Variants in TTC7A observed in about 807,000 individuals in gnomAD.
TTC7A encodes the protein tetratricopeptide repeat protein 7A.
A neutral mutation model predicts 103.7 loss-of-function variants in TTC7A; 110 were observed. The ratio of observed to expected loss-of-function variants is 1.06; its 90% CI spans 0.91 to 1.24. The LOEUF is 1.24. Among genes scored for constraint, TTC7A ranks in the 50% most tolerant of loss-of-function variants. TTC7A has a pLI of 0.00. For missense variants in TTC7A, 1,340 were observed against 1,116.3 expected, an observed-to-expected ratio of 1.20 and a Z score of -2.86; for synonymous variants, 521 against 467.9, an observed-to-expected ratio of 1.11 and a Z score of -1.47.
chr2:47,052,413 C>T (rs1682939528), intron 18 of TTC7A, among the ~76,000 whole-genome samples: 1 of 152,206 alleles, frequency 6.6e-6, no homozygotes, highest in South Asian at 2.1e-4. Flanking sequence ...AAGCAGCCCA[C>T]AGCTGGCTAG....
intron 16 of TTC7A, chr2:47,047,360 C>A (rs201666873): frequency 7.3e-6 from 11 of 1,497,624 alleles, no homozygotes; most frequent in Non-Finnish European, 1.8e-6. Context: ...AGTAAAACAC[C>A]TTGGGCAAAG....
At chr2:46,954,467 A>G (rs543254881) in intron 2 of TTC7A, among the ~76,000 whole-genome samples, 14 of 152,142 alleles carry the variant, frequency 9.2e-5, no homozygotes, top group Non-Finnish European at 1.8e-4. Context: ...AGCAAAAAAT[A>G]GCAGCAAAAT....
At chr2:47,066,272 G>A (rs1684172461) in intron 19 of TTC7A, 1 of 152,156 alleles carries the variant, frequency 6.6e-6, no homozygotes, top group African/African-American at 2.4e-5. Flanking sequence ...TGGGTTTGCA[G>A]GATCAAGAGC....
rs1683732073 is a variant in TTC7A at position 47,060,949 on chromosome 2, G to T, written c.2333G>T (p.Gly778Val). Residue 778 changes from glycine (G) to valine (V), a missense_variant, in exon 19 of 20, where the codon GGC becomes GTC. By Grantham distance (109) the Gly-to-Val change is moderately radical. Coordinates refer to ENST00000319190, the MANE Select transcript of TTC7A (RefSeq NM_020458.4). ...GAGGCGCTCACGGTGAACCCAGATG[G>T]CGTGCGCATCATGCATAGCCTGGTG... Reference protein sequence around the residue: ...YKEALTVNPDGVRIMHSLGLM... With the variant: ...YKEALTVNPDVVRIMHSLGLM... 6.2e-7 allele frequency: 1 copy of T among 1,613,396 alleles called. No homozygotes were observed. The highest frequency in any genetic ancestry group is 1.3e-5 in the African/African-American group (1 of 75,022).
chr2:46,999,648 A>G, intron 8 of TTC7A: 10 of 985,476 alleles, frequency 1.0e-5, no homozygotes, highest in Non-Finnish European at 1.2e-5. Flanking sequence ...CAGCCTGCTG[A>G]ACCTCAAACG....
rs766504849 is a variant in TTC7A, at chr2:46,918,259, G to A, written c.82+982G>A. ...TCTGTTGTTCAAGCTAAAATTCTAC[G>A]AGCTGTTTTTGATTTATCTCATCCC... On this transcript the variant is annotated intron_variant, in intron 2 of 20. Transcript: ENST00000409245. Among the ~76,000 whole-genome samples, 26 of 152,072 alleles carry A rather than the reference G, an allele frequency of 1.7e-4. 1 individual carries two copies. The highest frequency in any genetic ancestry group is 3.3e-4 in the Admixed American group (5 of 15,262).
At chr2:46,917,820 C>T (rs531562294) in intron 2 of TTC7A, among the ~76,000 whole-genome samples, 1 of 152,344 alleles carries the variant, frequency 6.6e-6, no homozygotes, top group African/African-American at 2.4e-5. Flanking sequence ...GCCAACCACT[C>T]TCACTTAGAA....
intron 19 of TTC7A, among the ~76,000 whole-genome samples, chr2:47,069,201 C>G (rs973868854): frequency 3.9e-5 from 6 of 152,166 alleles, no homozygotes; most frequent in African/African-American, 1.4e-4. Flanking sequence ...GGCCCAGCCA[C>G]TGGCCAGAGG....
At chr2:46,948,603 A>C (rs1671138324) in intron 1 of TTC7A, among the ~76,000 whole-genome samples, 1 of 152,148 alleles carries the variant, frequency 6.6e-6, no homozygotes, top group African/African-American at 2.4e-5. Flanking sequence ...TTACGGTGAG[A>C]GATTCTTCTT....
At chr2:46,962,850 T>C (rs1194056398) in intron 3 of TTC7A, among the ~76,000 whole-genome samples, 1 of 152,196 alleles carries the variant, frequency 6.6e-6, no homozygotes, top group Non-Finnish European at 1.5e-5. Context: ...ACCTGATAGG[T>C]TGAACAGTGC....
At chr2:47,046,498 G>T in intron 16 of TTC7A, 67 bp downstream of exon 16, 3 of 1,289,838 alleles carry the variant, frequency 2.3e-6, no homozygotes, top group Non-Finnish European at 3.4e-6. Context: ...CCACAGCTGG[G>T]TGGCCACCAT....
At chr2:46,960,799 A>G (rs1363856743) in intron 3 of TTC7A, among the ~76,000 whole-genome samples, 1 of 152,178 alleles carries the variant, frequency 6.6e-6, no homozygotes, top group Non-Finnish European at 1.5e-5. Context: ...CCCACCTGTA[A>G]CAGAGGAGCC....
At chr2:47,008,426 CAGAG>C (rs1451181347) in intron 10 of TTC7A, among the ~76,000 whole-genome samples, 1 of 152,208 alleles carries the variant, frequency 6.6e-6, no homozygotes, top group African/African-American at 2.4e-5. Flanking sequence ...TAGCTGGACT[CAGAG>C]AGATCCAGAC....
At chr2:47,029,099 C>G in intron 14 of TTC7A, 125 bp from the exon 15 acceptor site, 1 of 1,139,976 alleles carries the variant, frequency 8.8e-7, no homozygotes, top group Non-Finnish European at 1.3e-6. Flanking sequence ...CAGCAGCCTC[C>G]CTGCCCCCAG....
intron 18 of TTC7A, among the ~76,000 whole-genome samples, chr2:47,056,786 G>T (rs1354418211): frequency 1.3e-5 from 2 of 152,210 alleles, no homozygotes; most frequent in African/African-American, 2.4e-5. Flanking sequence ...GAGGTCAGGG[G>T]GTAGGCAGGA....
rs371931050 is a variant in TTC7A at position 47,021,824 on chromosome 2, A to G, written c.1393-38A>G. 5.7e-5 allele frequency: 90 copies of G among 1,570,888 alleles called. 1 individual carries two copies. The African/African-American group carries it at 1.1e-3, about 19-fold the overall frequency. On this transcript the variant is annotated intron_variant, in intron 11 of 19. Transcript: ENST00000319190. ...GTCATTCACTGGTAGAGGAAACTCC[A>G]ACCCCACCTCCATGACCTCTGTCTC...
chr2:47,018,898 A>G (rs1678987918), intron 11 of TTC7A, among the ~76,000 whole-genome samples: 1 of 152,160 alleles, frequency 6.6e-6, no homozygotes, highest in Non-Finnish European at 1.5e-5. Context: ...TAGGATTTGG[A>G]CCAGGGTGTT....
chr2:46,942,968 C>G (rs1028904181), intron 1 of TTC7A, among the ~76,000 whole-genome samples: 3 of 152,022 alleles, frequency 2.0e-5, no homozygotes, highest in African/African-American at 7.2e-5. Flanking sequence ...TGTAATAGTG[C>G]GATCTCAGCT....
Position 47,021,606 on chromosome 2 carries a change from C to T in TTC7A, c.1393-256C>T, listed in dbSNP as rs7592145. On this transcript the variant is annotated intron_variant, in intron 11 of 19. Coordinates refer to ENST00000319190, the MANE Select transcript of TTC7A (RefSeq NM_020458.4). ...TCCTCTATGTGCCGAGCAGGACAGGCACAGACACAGGCCCCTACAGAGGCC... is the reference window on the plus strand; with the variant it reads ...TCCTCTATGTGCCGAGCAGGACAGGTACAGACACAGGCCCCTACAGAGGCC... Among the ~76,000 whole-genome samples the T allele has an allele frequency of 0.063, 9,547 of 152,278 alleles. 472 individuals are homozygous for T. Among genetic ancestry groups the T allele is most frequent in the African/African-American group, 0.13 (5,205 of 41,528 alleles).
Sources: allele counts gnomAD v4.1 joint callset (sites outside exome capture counted in the v4.1 genomes callset), GRCh38; gene constraint gnomAD v4.1.1; transcripts MANE v1.5; gene names NCBI Gene and HGNC (gene_info 2026-07-23, HGNC 2026-07-21).